Variants in HDAC9 observed in about 807,000 individuals in gnomAD.
The protein encoded by HDAC9 is histone deacetylase 9, also known as MEF-2 interacting transcription repressor (MITR) protein.
In HDAC9, 41 loss-of-function variants were observed where a neutral mutation model predicts 139.4. The observed-to-expected ratio is 0.29, with a 90% CI of 0.23 to 0.38. The LOEUF is 0.38. HDAC9 is among the 10% of genes least tolerant of loss of function. The pLI, the probability that HDAC9 is intolerant of heterozygous loss-of-function variation, is 1.00. For missense variants in HDAC9, 1,147 were observed against 1,297.0 expected (o/e 0.88, Z 1.78); for synonymous variants, 517 against 476.2 (o/e 1.09, Z -1.12).
chr7:18,314,513 A>T (rs1415397230), intron 1 of HDAC9, among the ~76,000 whole-genome samples: 1 of 152,214 alleles, frequency 6.6e-6, no homozygotes, highest in Admixed American at 6.5e-5. Context: ...ATTTCAGGTA[A>T]TAACTTTCCT....
intron 2 of HDAC9, among the ~76,000 whole-genome samples, chr7:18,546,213 G>T (rs1814765749): frequency 6.6e-6 from 1 of 151,838 alleles, no homozygotes; most frequent in Non-Finnish European, 1.5e-5. Context: ...TTTTGTTTTT[G>T]AAAAAAATCT....
At chr7:18,309,860 AT>A (rs936695030) in intron 1 of HDAC9, among the ~76,000 whole-genome samples, 26 of 152,250 alleles carry the variant, frequency 1.7e-4, no homozygotes, top group Admixed American at 6.5e-5. Flanking sequence ...ATAATAAAAA[AT>A]ATTTAAATAT....
chr7:18,108,398 A>G (rs913025965), intron 1 of HDAC9, among the ~76,000 whole-genome samples: 1 of 152,130 alleles, frequency 6.6e-6, no homozygotes, highest in Non-Finnish European at 1.5e-5. Flanking sequence ...TTTCTCAAGC[A>G]TTTACTCAGT....
chr7:18,246,122 A>T (rs1297873068), intron 2 of HDAC9, among the ~76,000 whole-genome samples: 1 of 146,304 alleles, frequency 6.8e-6, no homozygotes, highest in Non-Finnish European at 1.5e-5. Context: ...TAAGTTATCT[A>T]GTATGCTAGG....
At chr7:18,129,651 T>C (rs1435852261) in intron 1 of HDAC9, among the ~76,000 whole-genome samples, 1 of 152,186 alleles carries the variant, frequency 6.6e-6, no homozygotes, top group Admixed American at 6.6e-5. Context: ...GCTTGTGCAG[T>C]CTTGTAAGAC....
chr7:18,762,071 T>A (rs76617418), intron 14 of HDAC9, 86 bp from the exon 15 acceptor site: 2 of 1,394,698 alleles, frequency 1.4e-6, no homozygotes, highest in East Asian at 4.6e-5. Context: ...CAGCCCATTA[T>A]TAATCATCTT....
chr7:18,434,777 T>C (rs1370242309), intron 1 of HDAC9, among the ~76,000 whole-genome samples: 3 of 152,112 alleles, frequency 2.0e-5, no homozygotes, highest in African/African-American at 7.2e-5. Flanking sequence ...AAGGAACACT[T>C]ATACACAGTT....
intron 23 of HDAC9, among the ~76,000 whole-genome samples, chr7:18,943,407 C>T (rs1035266789): frequency 7.9e-5 from 12 of 151,962 alleles, no homozygotes; most frequent in African/African-American, 2.4e-4. Flanking sequence ...TCCAATTGAC[C>T]GCTATGCCTT....
chr7:18,779,227 G>A (rs992836871), intron 16 of HDAC9, among the ~76,000 whole-genome samples: 3 of 152,082 alleles, frequency 2.0e-5, no homozygotes, highest in African/African-American at 7.2e-5. Context: ...CCCACCCATT[G>A]TTATCATAAA....
chr7:18,256,719 A>C (rs1795268712), intron 2 of HDAC9, among the ~76,000 whole-genome samples: 1 of 152,222 alleles, frequency 6.6e-6, no homozygotes, highest in Non-Finnish European at 1.5e-5. Flanking sequence ...GTTTCTTAAA[A>C]GTTGAACAAT....
intron 13 of HDAC9, among the ~76,000 whole-genome samples, chr7:18,730,920 T>C (rs1435988848): frequency 6.6e-6 from 1 of 152,200 alleles, no homozygotes; most frequent in Non-Finnish European, 1.5e-5. Flanking sequence ...GGAGCCATTA[T>C]GAAGTAAAAA....
chr7:18,254,849 G>C (rs996024172), intron 2 of HDAC9, among the ~76,000 whole-genome samples: 2 of 152,074 alleles, frequency 1.3e-5, no homozygotes, highest in Admixed American at 6.6e-5. Flanking sequence ...GTGTGGATTT[G>C]CATTTTATGA....
At chr7:18,579,191 G>T (rs1826995460) in intron 2 of HDAC9, among the ~76,000 whole-genome samples, 1 of 152,110 alleles carries the variant, frequency 6.6e-6, no homozygotes, top group African/African-American at 2.4e-5. Context: ...CTGCAACAAA[G>T]AACAGAAAAA....
chr7:18,613,852 C>A (rs1453921420), intron 6 of HDAC9, among the ~76,000 whole-genome samples: 1 of 152,068 alleles, frequency 6.6e-6, no homozygotes, highest in African/African-American at 2.4e-5. Flanking sequence ...CTTTTGACCC[C>A]ATTGTCCAAC....
In HDAC9 at chr7:18,999,885, T is replaced by C. The variant is rs2129357460; in HGVS notation, c.*3823T>C. On this transcript the variant is annotated 3_prime_UTR_variant, in exon 26 of 26. Transcript: ENST00000686413. Reference sequence around the variant, plus strand: ...TGGCCCCAAAAGAAACAAGCCAAACTGTACTGTCTTAAAAGTGATTCATTC... The same window carrying C: ...TGGCCCCAAAAGAAACAAGCCAAACCGTACTGTCTTAAAAGTGATTCATTC... The C allele has an allele frequency of 6.6e-6, 1 of 152,282 alleles. No individual in the cohort carries two copies. Among genetic ancestry groups the C allele is most frequent in the African/African-American group, 2.4e-5 (1 of 41,576 alleles). The allele number at this position is 152,282 out of a possible 1,614,324, so 9.4% of individuals were successfully genotyped here.
intron 1 of HDAC9, among the ~76,000 whole-genome samples, chr7:18,337,474 A>G (rs1781669202): frequency 6.6e-6 from 1 of 151,690 alleles, no homozygotes; most frequent in African/African-American, 2.4e-5. Context: ...AGTAAGGGGA[A>G]TTTATTTTTA....
chr7:18,993,267 A>G (rs1786146808), intron 25 of HDAC9, among the ~76,000 whole-genome samples: 1 of 152,352 alleles, frequency 6.6e-6, no homozygotes, highest in Admixed American at 6.5e-5. Flanking sequence ...CACACTTCAC[A>G]GTGTATAAAT....
At chr7:18,257,405 A>C (rs918842341) in intron 2 of HDAC9, among the ~76,000 whole-genome samples, 2 of 140,770 alleles carry the variant, frequency 1.4e-5, no homozygotes, top group African/African-American at 5.8e-5. Flanking sequence ...TCTCTCCCAC[A>C]CACACACACA....
Position 18,996,006 on chromosome 7 carries a change from C to G in HDAC9, c.3171-17C>G. The G allele has an allele frequency of 6.3e-7, 1 of 1,588,372 alleles. No homozygotes were observed. The highest frequency in any genetic ancestry group is 8.6e-7 in the Non-Finnish European group (1 of 1,165,998). On this transcript the variant is annotated splice_polypyrimidine_tract_variant and intron_variant, in intron 25 of 25. Transcript: ENST00000686413. ...GTACTCTTATGCCGTATTCTGATTG[C>G]CTGTTTATTTTTACAGAACTGCTGG...
Sources: allele counts gnomAD v4.1 joint callset (sites outside exome capture counted in the v4.1 genomes callset), GRCh38; gene constraint gnomAD v4.1.1; transcripts MANE v1.5; gene names NCBI Gene and HGNC (gene_info 2026-07-23, HGNC 2026-07-21).